Variants in HERC1 observed in about 807,000 individuals in gnomAD.
HERC1 encodes HECT and RLD domain containing E3 ubiquitin protein ligase family member 1.
Under a neutral mutation model 554.3 loss-of-function variants are expected in HERC1, and 160 were observed. The observed-to-expected ratio is 0.29, with a 90% confidence interval of 0.25 to 0.33. The LOEUF (loss-of-function observed/expected upper bound fraction) is 0.33. Ranked by LOEUF, HERC1 falls within the 10% of genes least tolerant of loss-of-function variation. The pLI is 1.00. For synonymous variants in HERC1, 2,175 were observed against 2,131.7 expected, an observed-to-expected ratio of 1.02 and a Z score of -0.56; for missense variants, 4,919 against 5,918.5, an observed-to-expected ratio of 0.83 and a Z score of 5.54.
intron 40 of HERC1, among the ~76,000 whole-genome samples, chr15:63,668,328 C>A (rs1463355441): frequency 6.6e-6 from 1 of 152,042 alleles, no homozygotes; most frequent in Non-Finnish European, 1.5e-5. Context: ...CCTGTCTCTA[C>A]AAAAAATTAC....
intron 57 of HERC1, among the ~76,000 whole-genome samples, chr15:63,644,366 T>A (rs1250323410): frequency 2.0e-5 from 3 of 152,230 alleles, no homozygotes; most frequent in Non-Finnish European, 4.4e-5. Context: ...ATGTTTAATA[T>A]TGGGAGATTT....
rs774206954 is a variant in HERC1 at position 63,678,329 on chromosome 15, G to A, written c.6586C>T (p.Arg2196Ter). 1.2e-6 allele frequency: 2 copies of A among 1,610,490 alleles called. No homozygotes were observed. Among genetic ancestry groups the A allele is most frequent in the South Asian group, 1.1e-5 (1 of 90,462 alleles). ...ICDMQMRGTP[R>*]DLLPGDPICS... The stretch of plus-strand genomic sequence containing the variant: ...ATAGGGTCTCCTGGAAGTAAGTCTC[G>A]GGGTGTGCCACGCATCTGCATATCA... Residue 2196 changes from arginine (R) to a stop codon, truncating the protein, a stop_gained, in exon 37 of 78, where the codon CGA becomes TGA. Transcript: ENST00000443617. LOFTEE classifies it high-confidence loss of function.
rs2068134740 is a variant in HERC1 at position 63,622,677 on chromosome 15, T to C, written c.13688+138A>G. On this transcript the variant is annotated intron_variant, in intron 74 of 77. Transcript: ENST00000443617. ...AGAGGATAACAACAATATTTACTCC[T>C]TAGGGTTACAATGAGGACTGAAGGG... 5.2e-6 allele frequency: 3 copies of C among 579,714 alleles called. No individual in the cohort carries two copies. The East Asian group carries it at 9.8e-5, about 19-fold the overall frequency. The allele number at this position is 579,714 out of a possible 1,614,324, so 35.9% of individuals were successfully genotyped here.
At chr15:63,738,585 G>T (rs1350016485) in intron 12 of HERC1, among the ~76,000 whole-genome samples, 1 of 152,076 alleles carries the variant, frequency 6.6e-6, no homozygotes, top group Non-Finnish European at 1.5e-5. Flanking sequence ...AATTCAGAGA[G>T]GGTCAAAGGA....
chr15:63,703,576 G>A (rs562515772), intron 25 of HERC1, among the ~76,000 whole-genome samples: 68 of 152,038 alleles, frequency 4.5e-4, no homozygotes, highest in Non-Finnish European at 8.8e-4. Flanking sequence ...TCAAAATATT[G>A]GAAGGGGTAA....
rs1595991902 is a variant in HERC1 at position 63,694,113 on chromosome 15, A to G, written c.5525T>C (p.Leu1842Ser). Residue 1842 changes from leucine to serine, a missense_variant, in exon 30 of 78, where the codon TTG becomes TCG. Coordinates refer to ENST00000443617, the MANE Select transcript of HERC1 (RefSeq NM_003922.4). The surrounding 1 kb of genome is among the most constrained non-coding windows in gnomAD (Gnocchi z 4.3). ...CTTCAACTGACTACAGAGTAGATCCAACAAGGATTGAACTACTTTGGGACT... is the reference window on the plus strand; with the variant it reads ...CTTCAACTGACTACAGAGTAGATCCGACAAGGATTGAACTACTTTGGGACT... ...KLSPKVVQSL[L>S]DLLCSQLKNL... The G allele has an allele frequency of 6.2e-7, 1 of 1,610,272 alleles. No homozygotes were observed. The highest frequency in any genetic ancestry group is 2.2e-5 in the East Asian group (1 of 44,822).
At chr15:63,738,426 C>T (rs1032784453) in intron 12 of HERC1, among the ~76,000 whole-genome samples, 1 of 152,056 alleles carries the variant, frequency 6.6e-6, no homozygotes, top group Non-Finnish European at 1.5e-5. Context: ...TAAACCAATA[C>T]TAATTTATTT....
At chr15:63,629,080 G>C (rs1345231843) in intron 69 of HERC1, among the ~76,000 whole-genome samples, 1 of 151,892 alleles carries the variant, frequency 6.6e-6, no homozygotes, top group Non-Finnish European at 1.5e-5. Context: ...CTCCCAAGTG[G>C]CTGAGATTAC....
rs1260238086 is a variant in HERC1, at chr15:63,718,082, T to TGA, written c.3978+490_3978+491dup. Among the ~76,000 whole-genome samples the TGA allele has an allele frequency of 3.3e-4, 25 of 76,746 alleles. No individual in the cohort carries two copies. The highest frequency in any genetic ancestry group is 6.5e-4 in the Non-Finnish European group (23 of 35,382). 50.3% of individuals were successfully genotyped at this position (76,746 alleles called of 152,430 possible). A position where few individuals can be genotyped will look rare whatever the true frequency, so the allele number is the denominator to read the frequency against. On this transcript the variant is annotated intron_variant, in intron 21 of 77. Coordinates refer to ENST00000443617, the MANE Select transcript of HERC1 (RefSeq NM_003922.4). The surrounding 1 kb of genome is among the most constrained non-coding windows in gnomAD (Gnocchi z 4.2). The stretch of plus-strand genomic sequence containing the variant: ...AAGTATTTTTAAGGCAGCTATTATG[T>TGA]GACACACACACACACACACACACAC...
At chr15:63,703,922 A>G (rs977061089) in intron 25 of HERC1, among the ~76,000 whole-genome samples, 1 of 151,436 alleles carries the variant, frequency 6.6e-6, no homozygotes, top group Non-Finnish European at 1.5e-5. Flanking sequence ...GTCTCAAAAA[A>G]AAAAAAGAAA....
At chr15:63,686,233 T>A in intron 34 of HERC1, 126 bp downstream of exon 34, 5 of 662,102 alleles carry the variant, frequency 7.6e-6, no homozygotes, top group Non-Finnish European at 1.3e-5. Context: ...TTATATTATC[T>A]TACATAATAA....
chr15:63,728,043 T>C (rs1422167658), intron 16 of HERC1, among the ~76,000 whole-genome samples: 2 of 152,228 alleles, frequency 1.3e-5, no homozygotes, highest in Non-Finnish European at 2.9e-5. Flanking sequence ...GGAAAGCATA[T>C]GTATTCTCCG....
In HERC1 at chr15:63,694,758, G is replaced by A; in HGVS notation, c.5242+16C>T. ...ATGTAACCTGCACTGTACATTTGCAGGAACCGTTTACTTACCAATGTGATG... is the reference window on the plus strand; with the variant it reads ...ATGTAACCTGCACTGTACATTTGCAAGAACCGTTTACTTACCAATGTGATG... On this transcript the variant is annotated intron_variant, in intron 28 of 77. Coordinates refer to ENST00000443617, the MANE Select transcript of HERC1 (RefSeq NM_003922.4). This position sits in a 1 kb window ranked among gnomAD's most constrained non-coding sequence, Gnocchi z 4.3. 1 of 1,613,856 alleles carries A rather than the reference G, an allele frequency of 6.2e-7. No individual in the cohort carries two copies. The highest frequency in any genetic ancestry group is 8.5e-7 in the Non-Finnish European group (1 of 1,179,838).
Position 63,664,561 on chromosome 15 carries a change from A to G in HERC1, c.8589T>C (p.Ala2863=). Residue 2863 remains alanine, a synonymous_variant, in exon 43 of 78, where the codon GCT becomes GCC. Transcript: ENST00000443617. ...PDNLDHTENA[A]SGSGPSARGR... is the part of the protein sequence containing the mutation. ...CTCTAGCTGATGGTCCACTTCCAGAAGCTGCATTCTCTGTATGATCCAAAT... is the reference window on the plus strand; with the variant it reads ...CTCTAGCTGATGGTCCACTTCCAGAGGCTGCATTCTCTGTATGATCCAAAT... 6.2e-7 allele frequency: 1 copy of G among 1,613,838 alleles called. No individual in the cohort carries two copies. The highest frequency in any genetic ancestry group is 1.1e-5 in the South Asian group (1 of 91,056).
intron 68 of HERC1, among the ~76,000 whole-genome samples, chr15:63,631,668 G>A (rs1325819795): frequency 6.6e-6 from 1 of 152,198 alleles, no homozygotes. Flanking sequence ...AGCGTCCCGA[G>A]TAGCTGGGAT....
chr15:63,721,116 T>C (rs927867646), intron 19 of HERC1, among the ~76,000 whole-genome samples: 4 of 152,154 alleles, frequency 2.6e-5, no homozygotes, highest in Non-Finnish European at 4.4e-5. Context: ...CAAGCAAATG[T>C]TACAAATATG....
At chr15:63,675,970 C>T (rs903998050) in intron 37 of HERC1, among the ~76,000 whole-genome samples, 1 of 147,662 alleles carries the variant, frequency 6.8e-6, no homozygotes, top group Non-Finnish European at 1.5e-5. Flanking sequence ...GTGGTGCGAT[C>T]TCAGCTCACT....
intron 12 of HERC1, 76 bp downstream of exon 12, chr15:63,746,842 T>G: frequency 8.0e-7 from 1 of 1,251,450 alleles, no homozygotes. Context: ...CAATGTACAG[T>G]TGAATATATT....
chr15:63,823,987 G>A (rs2077795208), intron 1 of HERC1, among the ~76,000 whole-genome samples: 1 of 151,976 alleles, frequency 6.6e-6, no homozygotes, highest in Non-Finnish European at 1.5e-5. Flanking sequence ...TTTTAAGACG[G>A]GCAAATGACT....
Sources: gnomAD v4.1 joint callset for allele counts (sites outside exome capture counted in the v4.1 genomes callset) on GRCh38, gnomAD v4.1.1 for gene constraint, Gnocchi (gnomAD v3.1) non-coding constraint, MANE v1.5 for transcripts, NCBI Gene and HGNC (gene_info 2026-07-23, HGNC 2026-07-21) for gene names.